C1D: variants seen among roughly 807,000 people sequenced by gnomAD.
C1D encodes C1D nuclear receptor corepressor.
C1D carries 10 observed loss-of-function variants against 17.5 expected under a neutral mutation model. That is an observed-to-expected ratio of 0.57 (90% CI 0.35 to 0.97). C1D has a LOEUF of 0.97. C1D is among the 50% of genes least tolerant of loss of function. The pLI is 0.01. For missense variants in C1D, 136 were observed against 160.1 expected (o/e 0.85, Z 0.81); for synonymous variants, 49 against 54.0 (o/e 0.91, Z 0.40).
chr2:68,048,206 T>C (rs924231442), intron 1 of C1D, among the ~76,000 whole-genome samples: 4 of 152,164 alleles, frequency 2.6e-5, no homozygotes, highest in African/African-American at 7.2e-5. Context: ...CCTATATCAA[T>C]GTATTATTAA....
At chr2:68,046,469 A>C (rs1385074940) in intron 2 of C1D, 59 bp from the exon 3 acceptor site, 3 of 1,158,774 alleles carry the variant, frequency 2.6e-6, no homozygotes, top group South Asian at 1.3e-5. Flanking sequence ...AAAATACACA[A>C]ACTTTGAACA....
chr2:68,051,434 G>A (rs981804735), intron 1 of C1D, among the ~76,000 whole-genome samples: 2 of 152,134 alleles, frequency 1.3e-5, no homozygotes, highest in African/African-American at 4.8e-5. Context: ...AAGATGGAAG[G>A]ACTGTTTGAG....
At chr2:68,055,645 C>T (rs996510966) in intron 1 of C1D, among the ~76,000 whole-genome samples, 1 of 151,886 alleles carries the variant, frequency 6.6e-6, no homozygotes, top group African/African-American at 2.4e-5. Flanking sequence ...TAGATGACAC[C>T]AACAAATTAT....
Position 68,041,427 on chromosome 2 carries a change from T to C in C1D, c.*1462A>G, listed in dbSNP as rs904274505. On this transcript the variant is annotated 3_prime_UTR_variant, in exon 5 of 5. Coordinates refer to ENST00000410067, the MANE Select transcript of C1D (RefSeq NM_173177.3). ...ATAAATAACACAAAGACAGGTACAC[T>C]ACACTTGATCTTAACAGTAACACAT... The C allele has an allele frequency of 6.6e-6, 1 of 152,046 alleles. No individual in the cohort carries two copies. The highest frequency in any genetic ancestry group is 1.5e-5 in the Non-Finnish European group (1 of 67,870). The allele number at this position is 152,046 out of a possible 1,614,324, so 9.4% of individuals were successfully genotyped here. A position where few individuals can be genotyped will look rare whatever the true frequency, so the allele number is the denominator to read the frequency against.
intron 1 of C1D, among the ~76,000 whole-genome samples, chr2:68,061,216 G>T (rs566858618): frequency 6.6e-6 from 1 of 152,208 alleles, no homozygotes; most frequent in African/African-American, 2.4e-5. Context: ...CATTATCTTA[G>T]GAGAAAATAA....
chr2:68,060,172 T>C (rs1250570391), intron 1 of C1D, among the ~76,000 whole-genome samples: 1 of 152,214 alleles, frequency 6.6e-6, no homozygotes, highest in Non-Finnish European at 1.5e-5. Flanking sequence ...TGTTTGCTTT[T>C]CCTAGAAAAT....
intron 3 of C1D, 148 bp from the exon 4 acceptor site, chr2:68,046,191 G>T: frequency 1.3e-6 from 1 of 798,338 alleles, no homozygotes; most frequent in Non-Finnish European, 2.0e-6. Flanking sequence ...CTAAATCTAT[G>T]TGTGGCTCAC....
intron 1 of C1D, chr2:68,053,106 T>C: frequency 6.4e-7 from 1 of 1,550,894 alleles, no homozygotes; most frequent in Non-Finnish European, 8.7e-7. Flanking sequence ...AGGTACTCCT[T>C]GCCCTTCCAC....
intron 1 of C1D, chr2:68,053,212 G>A: frequency 5.2e-6 from 8 of 1,548,796 alleles, no homozygotes; most frequent in Non-Finnish European, 7.0e-6. Context: ...GTGTGGCTGA[G>A]ACTGAGTACC....
At chr2:68,048,211 T>C (rs945756108) in intron 1 of C1D, among the ~76,000 whole-genome samples, 2 of 152,184 alleles carry the variant, frequency 1.3e-5, no homozygotes, top group Non-Finnish European at 2.9e-5. Context: ...ATCAATGTAT[T>C]ATTAAAGTAT....
chr2:68,046,100 C>A, intron 3 of C1D, 57 bp from the exon 4 acceptor site: 3 of 1,208,578 alleles, frequency 2.5e-6, no homozygotes, highest in South Asian at 2.8e-5. Flanking sequence ...TAAAACATTC[C>A]AATTAAAGAA....
At chr2:68,044,563 C>G (rs1671062862) in intron 4 of C1D, among the ~76,000 whole-genome samples, 1 of 152,110 alleles carries the variant, frequency 6.6e-6, no homozygotes. Context: ...AAAAAATTAG[C>G]TGGGCGTGGT....
At chr2:68,052,209 A>T (rs566121989) in intron 1 of C1D, among the ~76,000 whole-genome samples, 120 of 151,736 alleles carry the variant, frequency 7.9e-4, no homozygotes, top group African/African-American at 1.9e-3. Context: ...TTTGGTTTTT[A>T]AAAAAAAATT....
rs1485389113 is a variant in C1D at position 68,041,813 on chromosome 2, T to C, written c.*1076A>G. ...CTTGGCATTCCTACACATAATGATA[T>C]GGATTCAAACACTGAAAGCATTAAG... On this transcript the variant is annotated 3_prime_UTR_variant, in exon 5 of 5. Coordinates refer to ENST00000410067, the MANE Select transcript of C1D (RefSeq NM_173177.3). 6.6e-6 allele frequency: 1 copy of C among 152,154 alleles called. No homozygotes were observed. Among genetic ancestry groups the C allele is most frequent in the East Asian group, 1.9e-4 (1 of 5,188 alleles). 9.4% of individuals were successfully genotyped at this position (152,154 alleles called of 1,614,324 possible).
chr2:68,046,534 C>A (rs950396762), intron 2 of C1D, 124 bp from the exon 3 acceptor site: 17 of 624,404 alleles, frequency 2.7e-5, no homozygotes, highest in Non-Finnish European at 4.5e-5. Flanking sequence ...AAGTTTTTTT[C>A]ACTTCATATA....
rs370838107 is a variant in C1D at position 68,050,696 on chromosome 2, C to T, written c.-9-3377G>A. Among the ~76,000 whole-genome samples, 14 of 152,306 alleles carry T rather than the reference C, an allele frequency of 9.2e-5. No homozygotes were observed. In the South Asian group the frequency reaches 2.9e-3, roughly 32 times the overall value. ...TCCTGACTCTCTTCTCTAATTTACT[C>T]CCAGGTAAACTGAGGGTTTTAAATT... On this transcript the variant is annotated intron_variant, in intron 1 of 4. Coordinates refer to ENST00000410067, the MANE Select transcript of C1D (RefSeq NM_173177.3).
chr2:68,043,254 G>A (rs1446767638), intron 4 of C1D, among the ~76,000 whole-genome samples: 1 of 152,138 alleles, frequency 6.6e-6, no homozygotes, highest in African/African-American at 2.4e-5. Context: ...GGGAAAGACA[G>A]ATGTTAAAAA....
Position 68,047,295 on chromosome 2 carries a change from T to C in C1D, c.16A>G (p.Ile6Val), listed in dbSNP as rs753691847. The C allele has an allele frequency of 6.8e-6, 11 of 1,609,444 alleles. No homozygotes were observed. The South Asian group carries it at 1.0e-4, about 15-fold the overall frequency. The change falls in exon 2 of 5, where the codon ATT becomes GTT. Residue 6 changes from isoleucine (I) to valine (V), a missense_variant. Physicochemically the swap from Ile to Val is conservative, Grantham distance 29. Coordinates refer to ENST00000410067, the MANE Select transcript of C1D (RefSeq NM_173177.3). ...ATTTCTACTGGATAGTCTTCATTAA[T>C]TTCTTCACCTGCCATTATGGCTGAC... MAGEE[I>V]NEDYPVEIHE...
chr2:68,045,551 G>A (rs918466836), intron 4 of C1D, among the ~76,000 whole-genome samples: 1 of 152,066 alleles, frequency 6.6e-6, no homozygotes, highest in African/African-American at 2.4e-5. Flanking sequence ...AAAGCTTTTA[G>A]CTTTGTTGCT....
Sources: gnomAD v4.1 joint callset for allele counts (sites outside exome capture counted in the v4.1 genomes callset) on GRCh38, gnomAD v4.1.1 for gene constraint, MANE v1.5 for transcripts, NCBI Gene and HGNC (gene_info 2026-07-23, HGNC 2026-07-21) for gene names.